The following PRKCE variants were observed in gnomAD, a reference collection of about 807,000 sequenced individuals.
The protein encoded by PRKCE is protein kinase C epsilon type.
A neutral mutation model predicts 85.4 loss-of-function variants in PRKCE; 16 were observed. The ratio of observed to expected loss-of-function variants is 0.19; its 90% CI spans 0.13 to 0.28. The LOEUF is 0.28. PRKCE is among the 10% of genes least tolerant of loss of function. PRKCE has a pLI of 1.00. For synonymous variants in PRKCE, 388 were observed against 371.5 expected (o/e 1.04, Z -0.51); for missense variants, 573 against 975.2 (o/e 0.59, Z 5.49).
chr2:45,874,046 A>G (rs987379685), intron 2 of PRKCE, among the ~76,000 whole-genome samples: 1 of 152,214 alleles, frequency 6.6e-6, no homozygotes, highest in Non-Finnish European at 1.5e-5. Flanking sequence ...CCTCATAGCA[A>G]TGTGAGGAGG....
intron 2 of PRKCE, among the ~76,000 whole-genome samples, chr2:45,851,305 T>C (rs1376640647): frequency 1.3e-5 from 2 of 152,252 alleles, no homozygotes; most frequent in African/African-American, 2.4e-5. Context: ...GATGTATACA[T>C]TGACTCATTC....
chr2:46,001,174 C>CT lies in PRKCE; in HGVS notation c.824-229dup, dbSNP rs1558942336. On this transcript the variant is annotated intron_variant, in intron 6 of 14. Coordinates refer to ENST00000306156, the MANE Select transcript of PRKCE (RefSeq NM_005400.3). The surrounding 1 kb of genome is among the most constrained non-coding windows in gnomAD (Gnocchi z 4.4). ...TTTAGGGTATACGTAGAAAGGATGG[C>CT]TGGAATGAAGTACTAGAAACAGTGG... 2.0e-5 allele frequency among the ~76,000 whole-genome samples: 3 copies of CT among 151,582 alleles called. No individual in the cohort carries two copies. The highest frequency in any genetic ancestry group is 7.3e-5 in the African/African-American group (3 of 41,158).
intron 2 of PRKCE, among the ~76,000 whole-genome samples, chr2:45,956,517 C>G (rs1278129155): frequency 1.3e-5 from 2 of 149,670 alleles, no homozygotes; most frequent in African/African-American, 4.9e-5. Context: ...CCTGTCTCTA[C>G]TAAGAAAAAA....
chr2:46,099,859 G>A (rs2104061186), intron 11 of PRKCE, among the ~76,000 whole-genome samples: 1 of 152,230 alleles, frequency 6.6e-6, no homozygotes, highest in Admixed American at 6.5e-5. Flanking sequence ...CTCTTCCCCT[G>A]GGCTCCTTTC....
intron 1 of PRKCE, among the ~76,000 whole-genome samples, chr2:45,709,129 G>A (rs1170359491): frequency 3.3e-5 from 5 of 152,248 alleles, no homozygotes; most frequent in Non-Finnish European, 5.9e-5. Flanking sequence ...AGCTGCCTCT[G>A]GGTGTGAAAG....
chr2:45,692,302 C>T (rs979296584), intron 1 of PRKCE, among the ~76,000 whole-genome samples: 5 of 152,128 alleles, frequency 3.3e-5, no homozygotes, highest in East Asian at 3.9e-4. Flanking sequence ...GGGCCATGTT[C>T]CCTCTGAAAC....
At chr2:45,855,410 G>C (rs1163471069) in intron 2 of PRKCE, among the ~76,000 whole-genome samples, 1 of 152,182 alleles carries the variant, frequency 6.6e-6, no homozygotes, top group Admixed American at 6.5e-5. Flanking sequence ...TGTTCCCAAA[G>C]AACTAGGGAA....
At chr2:45,985,965 T>C (rs957209390) in intron 6 of PRKCE, among the ~76,000 whole-genome samples, 17 of 152,218 alleles carry the variant, frequency 1.1e-4, no homozygotes, top group Non-Finnish European at 1.9e-4. Context: ...GTCAATGTCA[T>C]TCTCCAGGGT....
chr2:45,982,981 G>A (rs1703011781), intron 5 of PRKCE, among the ~76,000 whole-genome samples: 1 of 152,224 alleles, frequency 6.6e-6, no homozygotes, highest in African/African-American at 2.4e-5. Context: ...AGTGGGCACA[G>A]TGATCTCGTA....
At chr2:45,811,626 C>T (rs189925052) in intron 1 of PRKCE, among the ~76,000 whole-genome samples, 11 of 152,230 alleles carry the variant, frequency 7.2e-5, no homozygotes, top group African/African-American at 2.6e-4. Context: ...CTATGTATGG[C>T]TCTAAAAAAC....
intron 10 of PRKCE, among the ~76,000 whole-genome samples, chr2:46,083,103 C>T (rs556220880): frequency 1.3e-5 from 2 of 152,316 alleles, no homozygotes; most frequent in South Asian, 2.1e-4. Flanking sequence ...AGGCATGCGC[C>T]ACCATGCCCA....
rs1244942634 is a variant in PRKCE, at chr2:46,122,881, GT to G, written c.1593-22189del. Among the ~76,000 whole-genome samples the G allele has an allele frequency of 9.1e-3, 1,071 of 117,154 alleles. 15 individuals carry two copies. Among genetic ancestry groups the G allele is most frequent in the East Asian group, 0.04 (168 of 4,236 alleles). The allele number at this position is 117,154 out of a possible 152,430, so 76.9% of individuals were successfully genotyped here. On this transcript the variant is annotated intron_variant, in intron 11 of 14. Transcript: ENST00000306156. ...GGCTTTTTCTGGCACAACAGTCTGGGTTTTTTTTTTTTTTTTTTTTTTTAGC... is the reference window on the plus strand; with the variant it reads ...GGCTTTTTCTGGCACAACAGTCTGGGTTTTTTTTTTTTTTTTTTTTTTAGC...
intron 1 of PRKCE, among the ~76,000 whole-genome samples, chr2:45,782,336 C>T (rs534129000): frequency 6.6e-6 from 1 of 152,056 alleles, no homozygotes. Flanking sequence ...CAACACAAAC[C>T]CCAGACAGAC....
chr2:45,933,944 A>G (rs1051257824), intron 2 of PRKCE, among the ~76,000 whole-genome samples: 1 of 152,212 alleles, frequency 6.6e-6, no homozygotes, highest in Non-Finnish European at 1.5e-5. Flanking sequence ...GGCTTCAGGC[A>G]TCATGTTTTT....
chr2:45,920,310 C>A (rs932781303), intron 2 of PRKCE, among the ~76,000 whole-genome samples: 2 of 152,180 alleles, frequency 1.3e-5, no homozygotes, highest in African/African-American at 2.4e-5. Flanking sequence ...CTCAGTAACC[C>A]AATACAGGAC....
chr2:45,830,072 C>CAAAAAAAAA (rs34553119), intron 1 of PRKCE, among the ~76,000 whole-genome samples: 9 of 108,890 alleles, frequency 8.3e-5, no homozygotes, highest in African/African-American at 2.2e-4. Context: ...GACTCCGTCT[C>CAAAAAAAAA]AAAAAAAAAA....
At chr2:46,122,137 G>T (rs988658435) in intron 11 of PRKCE, among the ~76,000 whole-genome samples, 1 of 152,202 alleles carries the variant, frequency 6.6e-6, no homozygotes, top group Non-Finnish European at 1.5e-5. Context: ...TCCAGTCAGT[G>T]CTCCCCACTG....
At chr2:45,915,756 T>G (rs1471893354) in intron 2 of PRKCE, among the ~76,000 whole-genome samples, 1 of 152,208 alleles carries the variant, frequency 6.6e-6, no homozygotes, top group African/African-American at 2.4e-5. Flanking sequence ...CTTGGTCTCA[T>G]GTACAGACAT....
In PRKCE at chr2:46,101,412, C is replaced by G. The variant is rs75475391; in HGVS notation, c.1592+15050C>G. Among the ~76,000 whole-genome samples, 40 of 152,158 alleles carry G rather than the reference C, an allele frequency of 2.6e-4. No homozygotes were observed. In the East Asian group the frequency reaches 7.1e-3, roughly 27 times the overall value. On this transcript the variant is annotated intron_variant, in intron 11 of 14. Coordinates refer to ENST00000306156, the MANE Select transcript of PRKCE (RefSeq NM_005400.3). ...TCCAATGGGCTAAGTAAGAGTTGGC[C>G]AGAGAAAGAGGACATGGAAGAGTGG...
Sources: allele counts gnomAD v4.1 joint callset (sites outside exome capture counted in the v4.1 genomes callset), GRCh38; gene constraint gnomAD v4.1.1; non-coding constraint Gnocchi (gnomAD v3.1); transcripts MANE v1.5; gene names NCBI Gene and HGNC (gene_info 2026-07-23, HGNC 2026-07-21).